IGSF5: variants seen among roughly 807,000 people sequenced by gnomAD.
IGSF5 encodes the protein immunoglobulin superfamily member 5.
A neutral mutation model predicts 39.4 loss-of-function variants in IGSF5; 41 were observed. The ratio of observed to expected loss-of-function variants is 1.04; its 90% confidence interval spans 0.81 to 1.35. The LOEUF is 1.35. IGSF5 is among the 40% of genes most tolerant of loss of function. The probability of loss-of-function intolerance (pLI) is 0.00; values close to 1 mark genes in which losing one functional copy is unlikely to be tolerated. For synonymous variants in IGSF5, 183 were observed against 175.3 expected (o/e 1.04, Z -0.34); for missense variants, 487 against 494.6 (o/e 0.98, Z 0.15).
At chr21:39,753,402 A>G (rs973731505) in intron 2 of IGSF5, among the ~76,000 whole-genome samples, 1 of 152,136 alleles carries the variant, frequency 6.6e-6, no homozygotes, top group African/African-American at 2.4e-5. Context: ...ATAGCCTTGT[A>G]GTATAATTTG....
the IGSF5 span, among the ~76,000 whole-genome samples, chr21:39,716,408 G>A: frequency 6.6e-6 from 1 of 151,984 alleles, no homozygotes; most frequent in African/African-American, 2.4e-5. Flanking sequence ...ATAAACACGT[G>A]TCATGGGGGC....
chr21:39,734,263 A>C, the IGSF5 span, among the ~76,000 whole-genome samples: 2 of 151,874 alleles, frequency 1.3e-5, no homozygotes, highest in Non-Finnish European at 2.9e-5. Flanking sequence ...TCTCTACTGA[A>C]AATACAAAAA....
chr21:39,727,437 G>T, the IGSF5 span, among the ~76,000 whole-genome samples: 1 of 152,194 alleles, frequency 6.6e-6, no homozygotes, highest in Non-Finnish European at 1.5e-5. Flanking sequence ...GGAGATTGTC[G>T]GTGGCTTCTT....
rs533983629 is a variant in IGSF5, at chr21:39,760,812, C to T, written c.101-4723C>T. 9.9e-5 allele frequency among the ~76,000 whole-genome samples: 15 copies of T among 152,168 alleles called. No individual in the cohort carries two copies. In the South Asian group the frequency reaches 1.0e-3, roughly 11 times the overall value. ...GTCTCGATCTCTTGACCTCATGATC[C>T]GCCCACCTCGGCCTACCAAAGTGCT... On this transcript the variant is annotated intron_variant, in intron 2 of 8. Transcript: ENST00000380588.
At chr21:39,738,998 C>T in the IGSF5 span, among the ~76,000 whole-genome samples, 1 of 152,066 alleles carries the variant, frequency 6.6e-6, no homozygotes, top group African/African-American at 2.4e-5. The surrounding 1 kb of genome is among the most constrained non-coding windows in gnomAD (Gnocchi z 6.4). Context: ...AAGCAATTCT[C>T]CTGCCTCAGC....
At chr21:39,752,453 G>A (rs2080010269) in intron 2 of IGSF5, among the ~76,000 whole-genome samples, 1 of 152,094 alleles carries the variant, frequency 6.6e-6, no homozygotes, top group South Asian at 2.1e-4. Flanking sequence ...TGTTGCAATT[G>A]CAATTGTGCT....
At chr21:39,748,304 T>TTTTTTTTTTTTTTC in intron 2 of IGSF5, among the ~76,000 whole-genome samples, 1 of 86,992 alleles carries the variant, frequency 1.1e-5, no homozygotes, top group African/African-American at 8.6e-5. Context: ...ACAAGATCTT[T>TTTTTTTTTTTTTTC]TTTTTTTTTT....
At chr21:39,785,721 C>G (rs1409365386) in intron 5 of IGSF5, among the ~76,000 whole-genome samples, 1 of 151,960 alleles carries the variant, frequency 6.6e-6, no homozygotes, top group Non-Finnish European at 1.5e-5. Flanking sequence ...TTTGTATCCT[C>G]TTTTATTTCC....
intron 8 of IGSF5, among the ~76,000 whole-genome samples, chr21:39,798,910 A>G (rs941581683): frequency 2.0e-5 from 3 of 152,166 alleles, no homozygotes; most frequent in African/African-American, 7.2e-5. Context: ...TGAAAATTTC[A>G]GAAAAGTGGG....
the IGSF5 span, among the ~76,000 whole-genome samples, chr21:39,719,262 G>A: frequency 2.5e-4 from 38 of 152,254 alleles, no homozygotes; most frequent in Non-Finnish European, 3.5e-4. Context: ...TCAGCCTCCC[G>A]TGTAGCTGGG....
chr21:39,772,394 T>C (rs2080119582), intron 4 of IGSF5, among the ~76,000 whole-genome samples: 3 of 152,068 alleles, frequency 2.0e-5, no homozygotes, highest in Admixed American at 2.0e-4. Context: ...GTATAAGAGG[T>C]CCCATGGCTG....
At chr21:39,738,224 A>G in the IGSF5 span, among the ~76,000 whole-genome samples, 2 of 152,128 alleles carry the variant, frequency 1.3e-5, no homozygotes, top group Non-Finnish European at 1.5e-5. This position sits in a 1 kb window ranked among gnomAD's most constrained non-coding sequence, Gnocchi z 6.4. Flanking sequence ...TCATGACAGA[A>G]GGCAAAGGCA....
At chr21:39,801,040 C>T (rs995020737) in intron 8 of IGSF5, among the ~76,000 whole-genome samples, 1 of 152,208 alleles carries the variant, frequency 6.6e-6, no homozygotes, top group African/African-American at 2.4e-5. Flanking sequence ...AAAACAAATA[C>T]TGATTCTTGG....
intron 1 of IGSF5, 111 bp downstream of exon 1, chr21:39,745,637 C>G: frequency 1.5e-6 from 1 of 663,062 alleles, no homozygotes; most frequent in East Asian, 2.7e-5. Flanking sequence ...CTAGTTGGCC[C>G]TTGGTTTCCC....
At chr21:39,755,823 G>T (rs1385600770) in intron 2 of IGSF5, among the ~76,000 whole-genome samples, 1 of 151,910 alleles carries the variant, frequency 6.6e-6, no homozygotes, top group African/African-American at 2.4e-5. Context: ...TAAATTACGG[G>T]CTGGGAGTGG....
chr21:39,750,462 C>T (rs998568351), intron 2 of IGSF5, among the ~76,000 whole-genome samples: 4 of 144,028 alleles, frequency 2.8e-5, no homozygotes, highest in Non-Finnish European at 4.5e-5. Context: ...GACCTATGAT[C>T]GTGCCACTGC....
chr21:39,747,746 T>G (rs973734634), intron 2 of IGSF5, among the ~76,000 whole-genome samples: 1 of 152,220 alleles, frequency 6.6e-6, no homozygotes, highest in Non-Finnish European at 1.5e-5. Flanking sequence ...TTAACATAAT[T>G]TGTGCTCTCA....
intron 6 of IGSF5, among the ~76,000 whole-genome samples, chr21:39,790,809 C>A (rs556126818): frequency 1.3e-4 from 20 of 152,100 alleles, no homozygotes; most frequent in Admixed American, 2.0e-4. Flanking sequence ...CTGATTCAAC[C>A]AACAATGGAT....
the IGSF5 span, among the ~76,000 whole-genome samples, chr21:39,730,925 G>C: frequency 2.0e-5 from 3 of 152,226 alleles, no homozygotes; most frequent in East Asian, 5.8e-4. Flanking sequence ...CCAACAAAAG[G>C]CCCCAAAATG....
Sources: gnomAD v4.1 joint callset for allele counts (sites outside exome capture counted in the v4.1 genomes callset) on GRCh38, gnomAD v4.1.1 for gene constraint, Gnocchi (gnomAD v3.1) non-coding constraint, MANE v1.5 for transcripts, NCBI Gene and HGNC (gene_info 2026-07-23, HGNC 2026-07-21) for gene names.